The following ASIC2 variants were observed in gnomAD, a reference collection of about 807,000 sequenced individuals.
The protein encoded by ASIC2 is acid sensing ion channel subunit 2.
A neutral mutation model predicts 57.3 loss-of-function variants in ASIC2; 25 were observed. The observed-to-expected ratio is 0.44, with a 90% CI of 0.32 to 0.61. The LOEUF is 0.61. Among genes scored for constraint, ASIC2 ranks in the 20% least tolerant of loss-of-function variants. The pLI is 0.06. For synonymous variants in ASIC2, 319 were observed against 307.5 expected (o/e 1.04, Z -0.39); for missense variants, 641 against 738.1 (o/e 0.87, Z 1.52).
chr17:33,777,200 T>G (rs1195616536), intron 1 of ASIC2, among the ~76,000 whole-genome samples: 1 of 152,214 alleles, frequency 6.6e-6, no homozygotes, highest in East Asian at 1.9e-4. Flanking sequence ...TCCCTGAGCT[T>G]CTCAGAATGA....
At chr17:33,347,507 A>T (rs1396687225) in intron 1 of ASIC2, among the ~76,000 whole-genome samples, 2 of 152,166 alleles carry the variant, frequency 1.3e-5, no homozygotes, top group African/African-American at 4.8e-5. Flanking sequence ...AGACAAATAA[A>T]TGTGTGTGGG....
intron 1 of ASIC2, among the ~76,000 whole-genome samples, chr17:33,937,164 C>T (rs1916084498): frequency 1.3e-5 from 2 of 152,218 alleles, no homozygotes; most frequent in African/African-American, 2.4e-5. Context: ...TGTAGTGGTG[C>T]AATCTTGGCT....
chr17:33,334,984 A>T (rs1314668242), intron 1 of ASIC2, among the ~76,000 whole-genome samples: 1 of 152,184 alleles, frequency 6.6e-6, no homozygotes, highest in Admixed American at 6.5e-5. Context: ...TCGCTTTGAA[A>T]ACTTGGGGCT....
At chr17:33,315,669 G>A (rs1906616244) in intron 1 of ASIC2, among the ~76,000 whole-genome samples, 1 of 152,096 alleles carries the variant, frequency 6.6e-6, no homozygotes, top group African/African-American at 2.4e-5. Context: ...ATTCCCAAAG[G>A]AATTTATTAC....
At chr17:33,749,612 C>T (rs1173179962) in intron 1 of ASIC2, among the ~76,000 whole-genome samples, 1 of 152,138 alleles carries the variant, frequency 6.6e-6, no homozygotes, top group African/African-American at 2.4e-5. Flanking sequence ...CCCTCCCACA[C>T]CTCAGAGCTG....
At chr17:33,922,305 C>CTCCT (rs530882421) in intron 1 of ASIC2, among the ~76,000 whole-genome samples, 237 of 152,142 alleles carry the variant, frequency 1.6e-3, no homozygotes, top group Middle Eastern at 3.4e-3. Context: ...CCCTCCCTCC[C>CTCCT]TCCTTCCTTC....
intron 1 of ASIC2, among the ~76,000 whole-genome samples, chr17:33,715,184 T>C (rs1909178798): frequency 1.3e-5 from 2 of 152,038 alleles, no homozygotes; most frequent in South Asian, 2.1e-4. Flanking sequence ...TTTTTTTTAA[T>C]AGAGACAGGG....
At chr17:33,329,940 C>A (rs181647978) in intron 1 of ASIC2, among the ~76,000 whole-genome samples, 206 of 152,242 alleles carry the variant, frequency 1.4e-3, no homozygotes, top group African/African-American at 4.6e-3. Context: ...AACGGGCTGT[C>A]CTCTCACCCC....
intron 1 of ASIC2, among the ~76,000 whole-genome samples, chr17:33,595,767 G>C (rs1287614675): frequency 4.6e-5 from 7 of 152,200 alleles, no homozygotes; most frequent in Non-Finnish European, 1.0e-4. Context: ...AAATAATGAT[G>C]CATCGTTTTC....
intron 1 of ASIC2, chr17:34,002,522 A>T (rs1450912408): frequency 6.6e-6 from 1 of 152,200 alleles, no homozygotes; most frequent in East Asian, 1.9e-4. Context: ...GTTGCCTCCA[A>T]CATATTCAGA....
chr17:34,026,357 C>T (rs929685573), intron 1 of ASIC2, among the ~76,000 whole-genome samples: 10 of 152,096 alleles, frequency 6.6e-5, no homozygotes, highest in East Asian at 3.9e-4. Context: ...AAATGTCTGG[C>T]GGCTTAGGTA....
intron 1 of ASIC2, among the ~76,000 whole-genome samples, chr17:33,124,904 AT>A (rs951979145): frequency 3.2e-4 from 48 of 152,332 alleles, no homozygotes; most frequent in African/African-American, 1.2e-3. Flanking sequence ...ATCATCAGGT[AT>A]TAGATTCTCT....
intron 1 of ASIC2, among the ~76,000 whole-genome samples, chr17:33,552,779 G>A (rs1320344655): frequency 6.6e-6 from 1 of 152,204 alleles, no homozygotes; most frequent in Non-Finnish European, 1.5e-5. Flanking sequence ...GTTACGTACT[G>A]AGTTCCAGAC....
intron 1 of ASIC2, among the ~76,000 whole-genome samples, chr17:33,649,413 A>G (rs1906849679): frequency 1.3e-5 from 2 of 152,242 alleles, no homozygotes; most frequent in Non-Finnish European, 2.9e-5. Context: ...AAATGGAGAG[A>G]CATACCATGT....
intron 1 of ASIC2, among the ~76,000 whole-genome samples, chr17:33,163,499 T>C (rs1597611353): frequency 6.6e-6 from 1 of 151,880 alleles, no homozygotes; most frequent in East Asian, 1.9e-4. Context: ...CCACTGCTGA[T>C]GGGGGAGGGG....
In ASIC2 at chr17:34,133,112, T is replaced by C. The variant is rs1912039394; in HGVS notation, c.555+22866A>G. On this transcript the variant is annotated intron_variant, in intron 1 of 9. Coordinates refer to the ASIC2 transcript ENST00000359872. ...CAGACTCAGTGTTGGGCATCAATTA[T>C]CTGATTTAATTAAATGTTCATACTG... 2.0e-5 allele frequency among the ~76,000 whole-genome samples: 3 copies of C among 152,222 alleles called. No homozygotes were observed. In the South Asian group the frequency reaches 6.2e-4, roughly 32 times the overall value.
chr17:33,852,250 C>T (rs1913789287), intron 1 of ASIC2, among the ~76,000 whole-genome samples: 1 of 152,338 alleles, frequency 6.6e-6, no homozygotes, highest in Middle Eastern at 3.4e-3. Context: ...AAGCAGTTCA[C>T]TCCTTCTTGA....
chr17:33,442,248 T>G (rs948800329), intron 1 of ASIC2, among the ~76,000 whole-genome samples: 4 of 152,242 alleles, frequency 2.6e-5, no homozygotes, highest in Non-Finnish European at 4.4e-5. Flanking sequence ...CAGAATAGTT[T>G]TGGCTATCTT....
chr17:33,623,665 A>C (rs913769073), intron 1 of ASIC2: 1 of 152,166 alleles, frequency 6.6e-6, no homozygotes, highest in African/African-American at 2.4e-5. Flanking sequence ...TATTTTTTCC[A>C]TAACAGAACA....
Sources: gnomAD v4.1 joint callset for allele counts (sites outside exome capture counted in the v4.1 genomes callset) on GRCh38, gnomAD v4.1.1 for gene constraint, MANE v1.5 for transcripts, NCBI Gene and HGNC (gene_info 2026-07-23, HGNC 2026-07-21) for gene names.